Variants in HAUS1 observed in about 807,000 individuals in gnomAD.
The protein encoded by HAUS1 is HAUS augmin-like complex subunit 1.
In HAUS1, 25 loss-of-function variants were observed where a neutral mutation model predicts 38.6. That is an observed-to-expected ratio of 0.65 (90% CI 0.47 to 0.91). The LOEUF is 0.91. HAUS1 is among the 40% of genes least tolerant of loss of function. The pLI, the probability that HAUS1 is intolerant of heterozygous loss-of-function variation, is 0.00. For synonymous variants in HAUS1, 109 were observed against 112.9 expected (o/e 0.97, Z 0.22); for missense variants, 325 against 328.4 (o/e 0.99, Z 0.08).
At chr18:46,105,633 G>A (rs1911451106) in intron 2 of HAUS1, among the ~76,000 whole-genome samples, 2 of 151,538 alleles carry the variant, frequency 1.3e-5, no homozygotes, top group African/African-American at 4.9e-5. Flanking sequence ...CCAGGCTGGA[G>A]TGCAGTGGTG....
At position 46,124,931 on chromosome 18, in the gene HAUS1, C is replaced by T. The variant is rs367840691; in HGVS notation, c.738+38C>T. ...GCGAATTAAAAAACAATTATTTCCT[C>T]CAACCTTCCCTGAGGGTACTATATG... is the stretch of plus-strand genomic sequence containing the variant. On this transcript the variant is annotated intron_variant, in intron 7 of 8. Transcript: ENST00000282058. 3.5e-6 allele frequency: 4 copies of T among 1,144,654 alleles called. No individual in the cohort carries two copies. In the African/African-American group the frequency reaches 6.1e-5, roughly 17 times the overall value. 70.9% of individuals were successfully genotyped at this position (1,144,654 alleles called of 1,614,324 possible). A position where few individuals can be genotyped will look rare whatever the true frequency, so the allele number is the denominator to read the frequency against.
intron 2 of HAUS1, among the ~76,000 whole-genome samples, chr18:46,113,766 A>G (rs1911734733): frequency 6.6e-6 from 1 of 152,138 alleles, no homozygotes; most frequent in Non-Finnish European, 1.5e-5. Context: ...CATTTCAGAC[A>G]ACATATTGTA....
At chr18:46,115,478 A>T (rs1057272889) in intron 2 of HAUS1, among the ~76,000 whole-genome samples, 5 of 97,274 alleles carry the variant, frequency 5.1e-5, no homozygotes, top group Non-Finnish European at 1.1e-4. Context: ...AAAAAAAAAA[A>T]TTAGCCAGGG....
Position 46,105,232 on chromosome 18 carries a change from T to G in HAUS1, c.69T>G (p.Pro23=), listed in dbSNP as rs1911427487. Residue 23 remains proline, a synonymous_variant, in exon 2 of 9, where the codon CCT becomes CCG. Transcript: ENST00000282058. The part of the protein sequence containing the change: ...AWLKKIFGDH[P]IPQYEVNPRT... ...TAAAAAAAATATTTGGAGATCATCC[T>G]ATTCCACAGTATGAGGTGAACCCAC... is the stretch of plus-strand genomic sequence containing the variant. The G allele has an allele frequency of 6.2e-7, 1 of 1,612,874 alleles. No homozygotes were observed. The highest frequency in any genetic ancestry group is 1.3e-5 in the African/African-American group (1 of 75,004).
At chr18:46,110,151 CCTT>C (rs930532658) in intron 2 of HAUS1, among the ~76,000 whole-genome samples, 1 of 134,926 alleles carries the variant, frequency 7.4e-6, no homozygotes, top group African/African-American at 2.9e-5. Flanking sequence ...TTTATTTTGT[CCTT>C]TTTTTTTTTT....
At chr18:46,116,026 A>G (rs1260753367) in intron 2 of HAUS1, among the ~76,000 whole-genome samples, 1 of 151,928 alleles carries the variant, frequency 6.6e-6, no homozygotes, top group Non-Finnish European at 1.5e-5. Context: ...GAATCACTTG[A>G]ACCTGGGAGG....
chr18:46,123,840 G>A (rs1301733503), intron 6 of HAUS1, among the ~76,000 whole-genome samples: 1 of 152,030 alleles, frequency 6.6e-6, no homozygotes, highest in African/African-American at 2.4e-5. Context: ...CTTTGTTCTT[G>A]GAATCTAATG....
Position 46,125,751 on chromosome 18 carries a change from C to G in HAUS1, c.746C>G (p.Ser249Cys). 6.3e-7 allele frequency: 1 copy of G among 1,599,172 alleles called. No homozygotes were observed. The highest frequency in any genetic ancestry group is 8.6e-7 in the Non-Finnish European group (1 of 1,168,814). ...TTTTATTTTTTTTTAAAGAATCCGT[C>G]TCTTGCTCAAGTGAAAATTGAAGAA... ...ESYLDLMPNP[S>C]LAQVKIEEAK... is the part of the protein sequence containing the mutation. Residue 249 changes from serine (S) to cysteine (C), a missense_variant, in exon 8 of 9, where the codon TCT becomes TGT. Coordinates refer to ENST00000282058, the MANE Select transcript of HAUS1 (RefSeq NM_138443.4).
intron 6 of HAUS1, among the ~76,000 whole-genome samples, chr18:46,124,468 C>G (rs1241393816): frequency 6.7e-6 from 1 of 150,196 alleles, no homozygotes; most frequent in African/African-American, 2.5e-5. Flanking sequence ...CGCCTGTGGT[C>G]CCAGCTACCT....
chr18:46,109,098 A>G (rs915233045), intron 2 of HAUS1, among the ~76,000 whole-genome samples: 1 of 151,544 alleles, frequency 6.6e-6, no homozygotes. Context: ...AGAGAAAAGA[A>G]GTTTAATTGA....
Position 46,128,170 on chromosome 18 carries a change from T to C in HAUS1, c.*45T>C. 6 of 1,276,972 alleles carry C rather than the reference T, an allele frequency of 4.7e-6. No homozygotes were observed. The highest frequency in any genetic ancestry group is 4.4e-6 in the Non-Finnish European group (4 of 903,464). 79.1% of individuals were successfully genotyped at this position (1,276,972 alleles called of 1,614,324 possible). ...CTTTTCCCTAACAAAGTAAATTGAATAGGACTTTACAGAGTTCTTTTTCCT... is the reference window on the plus strand; with the variant it reads ...CTTTTCCCTAACAAAGTAAATTGAACAGGACTTTACAGAGTTCTTTTTCCT... On this transcript the variant is annotated 3_prime_UTR_variant, in exon 9 of 9. Coordinates refer to ENST00000282058, the MANE Select transcript of HAUS1 (RefSeq NM_138443.4).
chr18:46,111,939 G>T (rs1194709691), intron 2 of HAUS1, among the ~76,000 whole-genome samples: 1 of 145,224 alleles, frequency 6.9e-6, no homozygotes, highest in African/African-American at 2.5e-5. Flanking sequence ...AGGCTGGAGC[G>T]CAATGGCACG....
intron 2 of HAUS1, among the ~76,000 whole-genome samples, chr18:46,108,154 A>C (rs1004262411): frequency 6.6e-6 from 1 of 152,308 alleles, no homozygotes; most frequent in East Asian, 1.9e-4. Flanking sequence ...TGGCAAATAC[A>C]GACTCCTTGT....
chr18:46,123,856 A>C (rs1912020914), intron 6 of HAUS1, among the ~76,000 whole-genome samples: 1 of 152,172 alleles, frequency 6.6e-6, no homozygotes, highest in South Asian at 2.1e-4. Flanking sequence ...TAATGTTGAC[A>C]ATTCATAAAT....
rs1911434815 is a variant in HAUS1, at chr18:46,105,371, GAGATTA to G, written c.205+6_205+11del. 1 of 1,609,456 alleles carries G rather than the reference GAGATTA, an allele frequency of 6.2e-7. No homozygotes were observed. Among genetic ancestry groups the G allele is most frequent in the Admixed American group, 1.7e-5 (1 of 59,272 alleles). On this transcript the variant is annotated splice_donor_5th_base_variant and intron_variant, in intron 2 of 8. Coordinates refer to ENST00000282058, the MANE Select transcript of HAUS1 (RefSeq NM_138443.4). ...AGCAAGTGAATACGAGTCAGAAGGT[GAGATTA>G]AGTCCAGAGTTTTGAACGAGAATAA...
At position 46,110,741 on chromosome 18, in the gene HAUS1, A is replaced by AT. The variant is rs200218860; in HGVS notation, c.205+5380dup. 5.1e-3 allele frequency among the ~76,000 whole-genome samples: 770 copies of AT among 151,218 alleles called. 2 individuals carry two copies. The highest frequency in any genetic ancestry group is 0.018 in the African/African-American group (738 of 41,208). ...CTAGGTGTAGGGTTCTTGGTTGAAG[A>AT]TTTTTTTCTGTTTGAGCACTTTGAA... On this transcript the variant is annotated intron_variant, in intron 2 of 8. Coordinates refer to ENST00000282058, the MANE Select transcript of HAUS1 (RefSeq NM_138443.4).
chr18:46,113,201 C>G (rs1299131846), intron 2 of HAUS1, among the ~76,000 whole-genome samples: 3 of 150,710 alleles, frequency 2.0e-5, no homozygotes, highest in Non-Finnish European at 4.4e-5. Context: ...CTCAGTCTCC[C>G]AAGTAGCTGG....
At position 46,120,706 on chromosome 18, in the gene HAUS1, C is replaced by T. The variant is rs142195017; in HGVS notation, c.476+646C>T. Among the ~76,000 whole-genome samples the T allele has an allele frequency of 1.8e-3, 274 of 152,142 alleles. 10 individuals are homozygous for T. The East Asian group carries it at 0.041, about 23-fold the overall frequency. Reference sequence around the variant, plus strand: ...GTTCAAGCGAGTTTCCTGCCTCAGCCTCCCCAGTAGCTGGGACTACAGGTG... The same window carrying T: ...GTTCAAGCGAGTTTCCTGCCTCAGCTTCCCCAGTAGCTGGGACTACAGGTG... On this transcript the variant is annotated intron_variant, in intron 4 of 8. Coordinates refer to ENST00000282058, the MANE Select transcript of HAUS1 (RefSeq NM_138443.4).
intron 2 of HAUS1, among the ~76,000 whole-genome samples, chr18:46,105,765 A>G (rs1911455640): frequency 6.6e-6 from 1 of 151,864 alleles, no homozygotes; most frequent in Non-Finnish European, 1.5e-5. Context: ...TGTTTTAGTA[A>G]AGACAGGGTT....
Sources: allele counts gnomAD v4.1 joint callset (sites outside exome capture counted in the v4.1 genomes callset), GRCh38; gene constraint gnomAD v4.1.1; transcripts MANE v1.5; gene names NCBI Gene and HGNC (gene_info 2026-07-23, HGNC 2026-07-21).